Variants in NIT1 observed in about 807,000 individuals in gnomAD.
NIT1 encodes deaminated glutathione amidase.
NIT1 carries 30 observed loss-of-function variants against 36.8 expected under a neutral mutation model. That is an observed-to-expected ratio of 0.82 (90% CI 0.61 to 1.11). NIT1 has a LOEUF of 1.11. NIT1 is among the 50% of genes least tolerant of loss of function. The pLI, the probability that NIT1 is intolerant of heterozygous loss-of-function variation, is 0.00. For synonymous variants in NIT1, 151 were observed against 155.6 expected (o/e 0.97, Z 0.22); for missense variants, 438 against 410.6 (o/e 1.07, Z -0.58).
At chr1:161,121,264 G>T, downstream of NIT1, 1 of 844,226 alleles carries the variant, frequency 1.2e-6, no homozygotes, top group Non-Finnish European at 1.4e-6. Context: ...GAAGGAAAAA[G>T]GAATTACTTC....
downstream of NIT1, chr1:161,122,082 CAG>C (rs1655564368): frequency 6.3e-7 from 1 of 1,576,146 alleles, no homozygotes; most frequent in Admixed American, 1.7e-5. The surrounding 1 kb of genome is among the most constrained non-coding windows in gnomAD (Gnocchi z 4.2). Context: ...GAACAAACCC[CAG>C]AACAGTGTAA....
chr1:161,123,363 G>C (rs1655747026), downstream of NIT1: 3 of 835,498 alleles, frequency 3.6e-6, no homozygotes, highest in Non-Finnish European at 5.6e-6. Flanking sequence ...TGTGAGACCA[G>C]GTGCAGTGGC....
downstream of NIT1, chr1:161,122,440 G>T: frequency 1.2e-6 from 2 of 1,614,244 alleles, no homozygotes; most frequent in South Asian, 2.2e-5. The surrounding 1 kb of genome is among the most constrained non-coding windows in gnomAD (Gnocchi z 4.2). Context: ...TGGCGCTCAA[G>T]TGGGTCCTGC....
intron 3 of NIT1, 33 bp from the exon 4 acceptor site, chr1:161,119,476 C>A: frequency 6.2e-7 from 1 of 1,613,172 alleles, no homozygotes; most frequent in South Asian, 1.1e-5. Context: ...CTTGAGAAGT[C>A]AGTGAAGAGT....
In NIT1 at chr1:161,121,050, T is replaced by C. The variant is rs1655434617; in HGVS notation, c.*285T>C. 4.7e-6 allele frequency: 6 copies of C among 1,279,830 alleles called. No homozygotes were observed. The highest frequency in any genetic ancestry group is 6.0e-6 in the Non-Finnish European group (6 of 1,007,566). 79.3% of individuals were successfully genotyped at this position (1,279,830 alleles called of 1,614,324 possible). A position where few individuals can be genotyped will look rare whatever the true frequency, so the allele number is the denominator to read the frequency against. On this transcript the variant is annotated 3_prime_UTR_variant, in exon 7 of 7. Coordinates refer to ENST00000368009, the MANE Select transcript of NIT1 (RefSeq NM_005600.3). Reference sequence around the variant, plus strand: ...GCTGAGCAGCACTGGCATTGAAAAATATAATAATCATAAAGTCTGTGTCTG... The same window carrying C: ...GCTGAGCAGCACTGGCATTGAAAAACATAATAATCATAAAGTCTGTGTCTG...
At chr1:161,119,095 T>A in intron 2 of NIT1, 39 bp from the exon 3 acceptor site, 1 of 1,607,922 alleles carries the variant, frequency 6.2e-7, no homozygotes, top group Non-Finnish European at 8.5e-7. Context: ...TGCTTCCCTG[T>A]GCTATGAAAT....
chr1:161,120,971 G>A lies in NIT1; in HGVS notation c.*206G>A. On this transcript the variant is annotated 3_prime_UTR_variant, in exon 7 of 7. Coordinates refer to ENST00000368009, the MANE Select transcript of NIT1 (RefSeq NM_005600.3). ...GAGGTCAGACTGCAGTTTCAGAAAG[G>A]TGGAATTTTATATAGTCATTGTTTA... 7.1e-7 allele frequency: 1 copy of A among 1,417,796 alleles called. No homozygotes were observed. The allele number at this position is 1,417,796 out of a possible 1,614,324, so 87.8% of individuals were successfully genotyped here.
chr1:161,120,743 A>G lies in NIT1; in HGVS notation c.962A>G (p.Asn321Ser), dbSNP rs751845527. The part of the protein sequence containing the change: ...FQHRRPDLYG[N>S]LGHPLS ...CACCGCAGGCCTGACCTCTATGGCA[A>G]TCTGGGTCACCCACTGTCTTAAGAC... is the stretch of plus-strand genomic sequence containing the variant. The change falls in exon 7 of 7, where the codon AAT (asparagine) becomes AGT (serine). Residue 321 changes from asparagine to serine, a missense_variant. Coordinates refer to ENST00000368009, the MANE Select transcript of NIT1 (RefSeq NM_005600.3). 5.0e-6 allele frequency: 8 copies of G among 1,613,564 alleles called. No homozygotes were observed. The highest frequency in any genetic ancestry group is 2.2e-5 in the East Asian group (1 of 44,878).
chr1:161,124,117 C>T (rs1655885471), downstream of NIT1: 5 of 1,600,896 alleles, frequency 3.1e-6, no homozygotes, highest in Non-Finnish European at 4.3e-6. Context: ...TCCCTGATTC[C>T]AGCCCCTAAT....
At position 161,120,661 on chromosome 1, in the gene NIT1, G is replaced by C. The variant is rs1358929921; in HGVS notation, c.880G>C (p.Ala294Pro). ...RCSEGPGLCLARIDLNYLRQL... is the reference protein window; with the variant it reads ...RCSEGPGLCLPRIDLNYLRQL... ...CTCTGAGGGGCCAGGCCTCTGCCTT[G>C]CCCGAATAGACCTCAACTATCTGCG... Residue 294 changes from alanine to proline, a missense_variant, in exon 7 of 7, where the codon GCC becomes CCC. Physicochemically the swap from Ala to Pro is conservative, Grantham distance 27. Coordinates refer to ENST00000368009, the MANE Select transcript of NIT1 (RefSeq NM_005600.3). The C allele has an allele frequency of 1.9e-6, 3 of 1,614,184 alleles. No individual in the cohort carries two copies. The highest frequency in any genetic ancestry group is 2.5e-6 in the Non-Finnish European group (3 of 1,180,046).
chr1:161,118,484 G>T (rs1156250135), intron 1 of NIT1: 4 of 1,535,964 alleles, frequency 2.6e-6, no homozygotes, highest in East Asian at 4.9e-5. Flanking sequence ...GGAAAACCAA[G>T]GATAGTTCCC....
At chr1:161,124,600 T>C, downstream of NIT1, 2 of 1,443,774 alleles carry the variant, frequency 1.4e-6, no homozygotes, top group South Asian at 1.5e-5. Flanking sequence ...ATATTCCCAG[T>C]TGCTAACAAT....
At chr1:161,123,408 G>A (rs1655754862), downstream of NIT1, among the ~76,000 whole-genome samples, 1 of 152,216 alleles carries the variant, frequency 6.6e-6, no homozygotes, top group Non-Finnish European at 1.5e-5. Context: ...GGGAGGCCAA[G>A]GCGGGTGGAT....
At position 161,119,513 on chromosome 1, in the gene NIT1, T is replaced by C; in HGVS notation, c.358T>C (p.Cys120Arg). 4.3e-6 allele frequency: 7 copies of C among 1,614,060 alleles called. No homozygotes were observed. Among genetic ancestry groups the C allele is most frequent in the Non-Finnish European group, 5.9e-6 (7 of 1,179,916 alleles). ...GTCAGTGTCCCTTCCCCCCAGGGAA[T>C]GTGGACTCTGGCTGTCCTTGGGTGG... The part of the protein sequence containing the change: ...LEEYTQLARE[C>R]GLWLSLGGFH... Residue 120 changes from cysteine to arginine, a missense_variant, in exon 4 of 7, where the codon TGT becomes CGT. Transcript: ENST00000368009.
At chr1:161,122,170 A>G, downstream of NIT1, 1 of 1,613,672 alleles carries the variant, frequency 6.2e-7, no homozygotes, top group South Asian at 1.1e-5. The surrounding 1 kb of genome is among the most constrained non-coding windows in gnomAD (Gnocchi z 4.2). Context: ...TGCAGCATCA[A>G]GTTCCTCAGG....
chr1:161,123,789 G>A (rs755487788), downstream of NIT1: 6 of 1,493,526 alleles, frequency 4.0e-6, no homozygotes, highest in Admixed American at 1.0e-4. Flanking sequence ...GATGGGATCA[G>A]TGTCCTTTTA....
At position 161,118,129 on chromosome 1, in the gene NIT1, A is replaced by G. The variant is rs1571194840; in HGVS notation, c.-48A>G. 2 of 1,613,858 alleles carry G rather than the reference A, an allele frequency of 1.2e-6. No individual in the cohort carries two copies. Among genetic ancestry groups the G allele is most frequent in the Non-Finnish European group, 1.7e-6 (2 of 1,179,892 alleles). On this transcript the variant is annotated 5_prime_UTR_variant, in exon 1 of 7. Transcript: ENST00000368009. ...CACTCGCTGCGGCGCTTCTGGCTCC[A>G]GACCGCCCTCCGGATCGGACCCTGC...
intron 2 of NIT1, 39 bp downstream of exon 2, chr1:161,118,920 G>T: frequency 6.7e-7 from 1 of 1,497,562 alleles, no homozygotes; most frequent in African/African-American, 1.4e-5. Flanking sequence ...CTGGCACTTA[G>T]ATGCTCAGTT....
chr1:161,121,596 G>A (rs928019906), downstream of NIT1: 1 of 154,378 alleles, frequency 6.5e-6, no homozygotes, highest in South Asian at 2.0e-4. Flanking sequence ...GAGGAAAGGC[G>A]GCAGAGAGGA....
Sources: gnomAD v4.1 joint callset for allele counts (sites outside exome capture counted in the v4.1 genomes callset) on GRCh38, gnomAD v4.1.1 for gene constraint, Gnocchi (gnomAD v3.1) non-coding constraint, MANE v1.5 for transcripts, NCBI Gene and HGNC (gene_info 2026-07-23, HGNC 2026-07-21) for gene names.